Variants in NHSL1 observed in about 807,000 individuals in gnomAD.
NHSL1 encodes NHS-like protein 1.
NHSL1 carries 48 observed loss-of-function variants against 95.0 expected under a neutral mutation model. That is an observed-to-expected ratio of 0.51 (90% CI 0.40 to 0.64). NHSL1 has a LOEUF of 0.64. Among genes scored for constraint, NHSL1 ranks in the 30% least tolerant of loss-of-function variants. NHSL1 has a pLI of 0.00. For synonymous variants in NHSL1, 783 were observed against 833.9 expected, an observed-to-expected ratio of 0.94 and a Z score of 1.05; for missense variants, 1,971 against 2,077.7, an observed-to-expected ratio of 0.95 and a Z score of 1.00.
At chr6:138,583,950 C>T (rs13192103) in intron 1 of NHSL1, among the ~76,000 whole-genome samples, 1 of 152,008 alleles carries the variant, frequency 6.6e-6, no homozygotes, top group Non-Finnish European at 1.5e-5. Flanking sequence ...CCTCCCACCT[C>T]GTCTCTACAA....
intron 1 of NHSL1, among the ~76,000 whole-genome samples, chr6:138,601,406 C>T (rs181460354): frequency 6.6e-6 from 1 of 152,222 alleles, no homozygotes; most frequent in Non-Finnish European, 1.5e-5. Context: ...CATCCCTAGA[C>T]ACTTGTGTGG....
intron 1 of NHSL1, among the ~76,000 whole-genome samples, chr6:138,625,619 C>T (rs959926617): frequency 2.1e-4 from 30 of 144,156 alleles, no homozygotes; most frequent in African/African-American, 6.6e-4. Flanking sequence ...CTCTAAAGTA[C>T]TTGTTTTTGT....
chr6:138,615,789 AGAG>A (rs1165806361), intron 1 of NHSL1, among the ~76,000 whole-genome samples: 2 of 152,366 alleles, frequency 1.3e-5, no homozygotes, highest in East Asian at 3.9e-4. Context: ...GTTCTTAAGA[AGAG>A]AAGCAGGAAA....
exon 1 of NHSL1, chr6:138,571,751 A>C: frequency 6.4e-7 from 1 of 1,552,274 alleles, no homozygotes; most frequent in Non-Finnish European, 8.7e-7. Flanking sequence ...TTCGTCATCC[A>C]CTTCCACCTG....
chr6:138,464,052 A>G, intron 3 of NHSL1: 1 of 405,990 alleles, frequency 2.5e-6, no homozygotes, highest in Non-Finnish European at 4.6e-6. Context: ...ATATTTACTC[A>G]GTAAATGAAT....
At position 138,424,571 on chromosome 6, in the gene NHSL1, T is replaced by A; in HGVS notation, c.4331A>T (p.Asn1444Ile). ...CGACCTCTGGAATCTAGGGTCTGTGTTCTTGAGCATCTCTGCTGCAGACAT... is the reference window on the plus strand; with the variant it reads ...CGACCTCTGGAATCTAGGGTCTGTGATCTTGAGCATCTCTGCTGCAGACAT... ...ARMSAAEMLK[N>I]TDPRFQRSRS... The change falls in exon 8 of 8, where the codon AAC becomes ATC. Residue 1444 changes from asparagine to isoleucine, a missense_variant. Around this residue, in one of 3 missense-constraint regions of NHSL1, gnomAD observed 146 missense variants for 206.3 expected, o/e 0.71. Transcript: ENST00000343505. This position sits in a 1 kb window ranked among gnomAD's most constrained non-coding sequence, Gnocchi z 5.9. 1 of 1,551,624 alleles carries A rather than the reference T, an allele frequency of 6.4e-7. No individual in the cohort carries two copies. Among genetic ancestry groups the A allele is most frequent in the Non-Finnish European group, 8.7e-7 (1 of 1,146,964 alleles).
At chr6:138,607,192 C>T (rs1362961357) in intron 1 of NHSL1, among the ~76,000 whole-genome samples, 1 of 152,232 alleles carries the variant, frequency 6.6e-6, no homozygotes, top group Non-Finnish European at 1.5e-5. Context: ...ACGCCTGACA[C>T]TCTTAAGTGC....
intron 1 of NHSL1, among the ~76,000 whole-genome samples, chr6:138,526,088 G>A (rs1162564552): frequency 1.6e-5 from 2 of 122,814 alleles, no homozygotes; most frequent in Non-Finnish European, 3.3e-5. Context: ...GCGAGACTCT[G>A]TCTCCAAAAA....
intron 1 of NHSL1, among the ~76,000 whole-genome samples, chr6:138,594,451 C>T (rs914285470): frequency 1.3e-5 from 2 of 152,124 alleles, no homozygotes; most frequent in African/African-American, 4.8e-5. Flanking sequence ...TGGGGACTGA[C>T]GTGACATCGT....
intron 1 of NHSL1, among the ~76,000 whole-genome samples, chr6:138,641,867 T>A (rs1041986768): frequency 2.0e-5 from 3 of 152,138 alleles, no homozygotes; most frequent in African/African-American, 4.8e-5. Context: ...TCTCCTATAT[T>A]TTCTTCGATT....
chr6:138,518,043 A>T (rs1781527156), intron 1 of NHSL1, among the ~76,000 whole-genome samples: 1 of 152,196 alleles, frequency 6.6e-6, no homozygotes, highest in African/African-American at 2.4e-5. Flanking sequence ...GAGGGGCAGT[A>T]GGGAGTGGGA....
At chr6:138,528,166 G>A (rs763070977) in intron 1 of NHSL1, among the ~76,000 whole-genome samples, 6 of 152,118 alleles carry the variant, frequency 3.9e-5, no homozygotes, top group Non-Finnish European at 7.4e-5. Context: ...AATTCCAGAT[G>A]ATTACATGAT....
intron 1 of NHSL1, among the ~76,000 whole-genome samples, chr6:138,648,347 AC>A (rs1356018318): frequency 7.9e-6 from 1 of 126,688 alleles, no homozygotes. Flanking sequence ...AACTTTACGG[AC>A]ACTGAAAAAA....
chr6:138,502,143 C>G (rs952956427), upstream of NHSL1, among the ~76,000 whole-genome samples: 13 of 152,164 alleles, frequency 8.5e-5, no homozygotes, highest in African/African-American at 3.1e-4. Flanking sequence ...TTATTCCACA[C>G]TGCCACATAA....
At chr6:138,658,652 G>A (rs1158869727) in intron 1 of NHSL1, among the ~76,000 whole-genome samples, 6 of 152,134 alleles carry the variant, frequency 3.9e-5, no homozygotes, top group African/African-American at 1.4e-4. Context: ...ATGAACATGG[G>A]AGTGCAGGTA....
chr6:138,627,295 ATAAT>A (rs1226504106), intron 1 of NHSL1, among the ~76,000 whole-genome samples: 1 of 152,238 alleles, frequency 6.6e-6, no homozygotes, highest in Non-Finnish European at 1.5e-5. Context: ...TTAAGGATGA[ATAAT>A]TAATACACAA....
At position 138,624,040 on chromosome 6, in the gene NHSL1, C is replaced by T. The variant is rs559535207; in HGVS notation, c.96+68436G>A. 2.8e-3 allele frequency among the ~76,000 whole-genome samples: 423 copies of T among 152,244 alleles called. 1 individual carries two copies. Among genetic ancestry groups the T allele is most frequent in the Non-Finnish European group, 4.6e-3 (310 of 68,024 alleles). Reference sequence around the variant, plus strand: ...CATGTGGAACTGTGAGTCAGTTAAGCCTCTTTCCTTTATAAATTACCTAGT... The same window carrying T: ...CATGTGGAACTGTGAGTCAGTTAAGTCTCTTTCCTTTATAAATTACCTAGT... On this transcript the variant is annotated intron_variant, in intron 1 of 3. Transcript: ENST00000491526.
chr6:138,427,347 G>A (rs1775331444), intron 7 of NHSL1, among the ~76,000 whole-genome samples: 2 of 152,120 alleles, frequency 1.3e-5, no homozygotes, highest in African/African-American at 2.4e-5. Flanking sequence ...TGCTGAGGCA[G>A]GAGAATCATT....
At chr6:138,578,052 C>A (rs920953313) in intron 1 of NHSL1, among the ~76,000 whole-genome samples, 2 of 152,204 alleles carry the variant, frequency 1.3e-5, no homozygotes, top group African/African-American at 4.8e-5. Context: ...TTGCCCTCAA[C>A]TACCACTGCT....
Sources: gnomAD v4.1 joint callset for allele counts (sites outside exome capture counted in the v4.1 genomes callset) on GRCh38, gnomAD v4.1.1 for gene constraint, gnomAD v4.1.1 regional missense constraint, Gnocchi (gnomAD v3.1) non-coding constraint, MANE v1.5 for transcripts, NCBI Gene and HGNC (gene_info 2026-07-23, HGNC 2026-07-21) for gene names.